Variants in KLRG1 observed in about 807,000 individuals in gnomAD.
KLRG1 encodes the protein killer cell lectin-like receptor subfamily G member 1.
In KLRG1, 16 loss-of-function variants were observed where a neutral mutation model predicts 21.8. The observed-to-expected ratio is 0.73, with a 90% confidence interval of 0.50 to 1.11. The LOEUF (loss-of-function observed/expected upper bound fraction) is 1.11, where lower values mean the gene tolerates loss of function less well. Among genes scored for constraint, KLRG1 ranks in the 50% most tolerant of loss-of-function variants. The probability of loss-of-function intolerance (pLI) is 0.00; values close to 1 mark genes in which losing one functional copy is unlikely to be tolerated. For missense variants in KLRG1, 173 were observed against 218.3 expected, an observed-to-expected ratio of 0.79 and a Z score of 1.31; for synonymous variants, 69 against 75.9, an observed-to-expected ratio of 0.91 and a Z score of 0.47.
Position 8,992,288 on chromosome 12 carries a change from A to G in KLRG1, c.165A>G (p.Leu55=), listed in dbSNP as rs1306919451. ...CTGCAGTTCTTCTGAGTGTGCTGCT[A>G]TACCAGTGGATCCTGTGCCAGGGTA... The part of the protein sequence containing the change: ...LLTAVLLSVL[L]YQWILCQGSN... Residue 55 remains leucine, a synonymous_variant, in exon 2 of 5, where the codon CTA becomes CTG. Coordinates refer to ENST00000356986, the MANE Select transcript of KLRG1 (RefSeq NM_005810.4). 1.9e-6 allele frequency: 3 copies of G among 1,612,726 alleles called. No individual in the cohort carries two copies. Among genetic ancestry groups the G allele is most frequent in the Non-Finnish European group, 2.5e-6 (3 of 1,179,402 alleles).
intron 3 of KLRG1, among the ~76,000 whole-genome samples, chr12:8,995,669 C>A (rs1289764512): frequency 6.7e-6 from 1 of 149,294 alleles, no homozygotes; most frequent in Non-Finnish European, 1.5e-5. Flanking sequence ...ACAGGTCCAA[C>A]AACAAGGCAG....
the KLRG1 span, among the ~76,000 whole-genome samples, chr12:9,074,087 TAAAAA>T: frequency 0.04 from 5,198 of 131,558 alleles, 298 homozygotes; most frequent in African/African-American, 0.13. Flanking sequence ...GACTCTGTCT[TAAAAA>T]AAAAAAAAAA....
chr12:9,214,337 GA>G, the KLRG1 span, among the ~76,000 whole-genome samples: 2 of 151,892 alleles, frequency 1.3e-5, no homozygotes, highest in African/African-American at 4.8e-5. Flanking sequence ...ATATCCAAAT[GA>G]ATCTAAGAAT....
the KLRG1 span, among the ~76,000 whole-genome samples, chr12:9,102,258 C>T: frequency 1.3e-5 from 2 of 152,138 alleles, no homozygotes; most frequent in Non-Finnish European, 2.9e-5. Context: ...CTCTGGCGCC[C>T]ATGCTGGAGT....
the KLRG1 span, chr12:9,135,625 A>C: frequency 4.3e-6 from 1 of 233,296 alleles, no homozygotes; most frequent in Non-Finnish European, 8.4e-6. Flanking sequence ...TGCATGGATA[A>C]ATTTGATTTT....
intron 1 of KLRG1, among the ~76,000 whole-genome samples, chr12:8,959,597 CTT>C (rs1364722512): frequency 1.3e-5 from 2 of 152,182 alleles, no homozygotes; most frequent in Admixed American, 6.5e-5. Flanking sequence ...TTATTAAACT[CTT>C]TGCTGCAACA....
the KLRG1 span, among the ~76,000 whole-genome samples, chr12:9,070,226 T>G: frequency 6.6e-6 from 1 of 152,236 alleles, no homozygotes; most frequent in Non-Finnish European, 1.5e-5. Context: ...TTTTATCTTC[T>G]TAGCAAAATT....
At chr12:9,071,048 G>A in the KLRG1 span, among the ~76,000 whole-genome samples, 4 of 151,926 alleles carry the variant, frequency 2.6e-5, no homozygotes, top group African/African-American at 7.3e-5. Context: ...TTGAACTCCC[G>A]ACCTAAGGTA....
rs764748144 is a variant in KLRG1, at chr12:9,009,082, G to A, written c.458+7G>A. On this transcript the variant is annotated splice_region_variant and intron_variant, in intron 4 of 4. Coordinates refer to ENST00000356986, the MANE Select transcript of KLRG1 (RefSeq NM_005810.4). ...CACCTCTAAACTTCTCAAGGTAAGG[G>A]GCTTCAAAGGAATGCAAAAAAAGAG... is the stretch of plus-strand genomic sequence containing the variant. 6.3e-7 allele frequency: 1 copy of A among 1,590,578 alleles called. No homozygotes were observed. Among genetic ancestry groups the A allele is most frequent in the Non-Finnish European group, 8.6e-7 (1 of 1,166,378 alleles).
chr12:9,175,689 A>C, the KLRG1 span, among the ~76,000 whole-genome samples: 1 of 152,242 alleles, frequency 6.6e-6, no homozygotes, highest in Non-Finnish European at 1.5e-5. Flanking sequence ...ACATACAGCC[A>C]ACAAACATAT....
the KLRG1 span, chr12:9,153,411 T>A: frequency 1.5e-6 from 2 of 1,358,834 alleles, no homozygotes; most frequent in Non-Finnish European, 2.1e-6. Context: ...TCCCCCAAAG[T>A]CTGTGTTAGC....
At chr12:9,183,241 A>T in the KLRG1 span, among the ~76,000 whole-genome samples, 1 of 152,196 alleles carries the variant, frequency 6.6e-6, no homozygotes, top group African/African-American at 2.4e-5. Flanking sequence ...AAATGGTACT[A>T]TATTTTAGAT....
Position 9,010,132 on chromosome 12 carries a change from G to A in KLRG1, c.*595G>A. ...GCCCAGGAGTTTGAGGCTGCAGTGA[G>A]CTATGATTGTGCCACTGTACTCCAG... On this transcript the variant is annotated 3_prime_UTR_variant, in exon 5 of 5. Transcript: ENST00000356986. The A allele has an allele frequency of 2.5e-6, 2 of 814,868 alleles. No individual in the cohort carries two copies. Among genetic ancestry groups the A allele is most frequent in the African/African-American group, 1.7e-5 (1 of 58,698 alleles). 50.5% of individuals were successfully genotyped at this position (814,868 alleles called of 1,614,324 possible).
chr12:9,123,920 A>C, the KLRG1 span, among the ~76,000 whole-genome samples: 3 of 151,860 alleles, frequency 2.0e-5, no homozygotes, highest in Non-Finnish European at 2.9e-5. Context: ...GCTGCCAAAG[A>C]CTATTAGGGT....
chr12:8,969,587 G>C (rs1241438924), intron 1 of KLRG1, among the ~76,000 whole-genome samples: 1 of 151,884 alleles, frequency 6.6e-6, no homozygotes, highest in Non-Finnish European at 1.5e-5. Flanking sequence ...AGGAATGAGA[G>C]GAAGAGGAGG....
At chr12:9,072,721 C>CCTG in the KLRG1 span, 1 of 1,614,152 alleles carries the variant, frequency 6.2e-7, no homozygotes, top group Non-Finnish European at 8.5e-7. Context: ...GGCAATGAGA[C>CCTG]CTGCTGCAGT....
the KLRG1 span, among the ~76,000 whole-genome samples, chr12:9,134,007 CA>C: frequency 7.2e-5 from 11 of 152,246 alleles, no homozygotes; most frequent in African/African-American, 2.6e-4. Context: ...TTACAGAAAT[CA>C]AAGGTAGAGA....
At chr12:9,133,055 G>T in the KLRG1 span, among the ~76,000 whole-genome samples, 66 of 150,962 alleles carry the variant, frequency 4.4e-4, no homozygotes, top group African/African-American at 1.5e-3. Flanking sequence ...AAAGGTGTGG[G>T]TTTTTTTTTC....
chr12:9,003,686 G>GTT (rs71045234), intron 3 of KLRG1, among the ~76,000 whole-genome samples: 5 of 148,084 alleles, frequency 3.4e-5, no homozygotes, highest in Admixed American at 6.7e-5. Context: ...TGTTCAGAGG[G>GTT]TTTTTTTTTT....
Sources: gnomAD v4.1 joint callset for allele counts (sites outside exome capture counted in the v4.1 genomes callset) on GRCh38, gnomAD v4.1.1 for gene constraint, MANE v1.5 for transcripts, NCBI Gene and HGNC (gene_info 2026-07-23, HGNC 2026-07-21) for gene names.